The following SLC24A4 variants were observed in gnomAD, a reference collection of about 807,000 sequenced individuals.
The protein encoded by SLC24A4 is sodium/potassium/calcium exchanger 4.
Under a neutral mutation model 79.0 loss-of-function variants are expected in SLC24A4, and 53 were observed. The ratio of observed to expected loss-of-function variants is 0.67; its 90% CI spans 0.54 to 0.84. The LOEUF is 0.84. Ranked by LOEUF, SLC24A4 falls within the 40% of genes least tolerant of loss-of-function variation. SLC24A4 has a pLI of 0.00. For synonymous variants in SLC24A4, 323 were observed against 323.8 expected (o/e 1.00, Z 0.03); for missense variants, 731 against 822.0 (o/e 0.89, Z 1.35).
chr14:92,440,459 G>T (rs1388152896), intron 4 of SLC24A4, among the ~76,000 whole-genome samples: 1 of 152,114 alleles, frequency 6.6e-6, no homozygotes, highest in African/African-American at 2.4e-5. Flanking sequence ...CCTTCCAGAG[G>T]GGGCCCTTGG....
chr14:92,468,710 A>C (rs916052557), intron 12 of SLC24A4, among the ~76,000 whole-genome samples: 3 of 152,234 alleles, frequency 2.0e-5, no homozygotes, highest in Admixed American at 6.5e-5. Flanking sequence ...CACATTGAAA[A>C]GAAGTCTGAT....
At chr14:92,349,146 A>G (rs770495477) in intron 2 of SLC24A4, among the ~76,000 whole-genome samples, 1 of 150,964 alleles carries the variant, frequency 6.6e-6, no homozygotes, top group Non-Finnish European at 1.5e-5. Context: ...TGTCTTCAAT[A>G]ATAAAAGTGA....
At chr14:92,347,170 C>T (rs1456530159) in intron 2 of SLC24A4, among the ~76,000 whole-genome samples, 1 of 152,210 alleles carries the variant, frequency 6.6e-6, no homozygotes, top group Non-Finnish European at 1.5e-5. Flanking sequence ...CCTATTTCTT[C>T]CTCCTGGGGA....
Position 92,447,427 on chromosome 14 carries a change from A to G in SLC24A4, c.737+3A>G. 6.2e-7 allele frequency: 1 copy of G among 1,614,004 alleles called. No homozygotes were observed. ...GTGTTTTATATTCTGATCATGAAGT[A>G]AGTGCCCTTTCTCCTCCCCGGGGCT... On this transcript the variant is annotated splice_donor_region_variant and intron_variant, in intron 9 of 16. Transcript: ENST00000532405.
At chr14:92,326,503 T>C (rs1885147005) in intron 2 of SLC24A4, among the ~76,000 whole-genome samples, 1 of 152,166 alleles carries the variant, frequency 6.6e-6, no homozygotes, top group Non-Finnish European at 1.5e-5. Flanking sequence ...CTGATTCTGC[T>C]TGCCCCGTTT....
rs549415430 is a variant in SLC24A4, at chr14:92,465,296, C to T, written c.1255+8688C>T. ...TGGAGGCCCAGAGAGATTAATGGCC[C>T]CCCTAGTGCCACACCATCAAGAGTA... On this transcript the variant is annotated intron_variant, in intron 12 of 16. Transcript: ENST00000532405. Among the ~76,000 whole-genome samples, 16 of 152,274 alleles carry T rather than the reference C, an allele frequency of 1.1e-4. No individual in the cohort carries two copies. The South Asian group carries it at 3.3e-3, about 32-fold the overall frequency.
chr14:92,359,143 G>A (rs1055710185), intron 2 of SLC24A4, among the ~76,000 whole-genome samples: 1 of 152,164 alleles, frequency 6.6e-6, no homozygotes, highest in Non-Finnish European at 1.5e-5. Flanking sequence ...AGCCCAGGGG[G>A]CTTGTCTGGT....
At chr14:92,351,850 T>G (rs1024014049) in intron 2 of SLC24A4, among the ~76,000 whole-genome samples, 5 of 143,580 alleles carry the variant, frequency 3.5e-5, no homozygotes, top group African/African-American at 1.3e-4. Flanking sequence ...GGTGACAGGG[T>G]GAGATCTTGT....
intron 12 of SLC24A4, among the ~76,000 whole-genome samples, chr14:92,475,029 G>A (rs568205392): frequency 2.7e-5 from 4 of 150,916 alleles, no homozygotes; most frequent in South Asian, 2.1e-4. Context: ...ATTGATATAC[G>A]GTCCTGGTAG....
At chr14:92,372,282 A>G (rs1455875014) in intron 2 of SLC24A4, among the ~76,000 whole-genome samples, 1 of 152,120 alleles carries the variant, frequency 6.6e-6, no homozygotes, top group Non-Finnish European at 1.5e-5. Context: ...AGACAGACTC[A>G]TCTTCCACGC....
chr14:92,326,509 C>T (rs2014393), intron 2 of SLC24A4, among the ~76,000 whole-genome samples: 59,094 of 151,900 alleles, frequency 0.39, 11,732 homozygotes, highest in Middle Eastern at 0.51. Flanking sequence ...CTGCTTGCCC[C>T]GTTTTGATGT....
intron 2 of SLC24A4, among the ~76,000 whole-genome samples, chr14:92,327,430 C>T (rs1472490340): frequency 1.3e-5 from 2 of 152,202 alleles, no homozygotes; most frequent in Non-Finnish European, 2.9e-5. Flanking sequence ...TGATATATGG[C>T]AAGGGTCATT....
At chr14:92,400,177 A>G (rs879318566) in intron 2 of SLC24A4, among the ~76,000 whole-genome samples, 3 of 152,204 alleles carry the variant, frequency 2.0e-5, no homozygotes, top group African/African-American at 4.8e-5. Flanking sequence ...GTGGTGGCTC[A>G]CGCCTGTAAT....
intron 2 of SLC24A4, among the ~76,000 whole-genome samples, chr14:92,331,738 C>A (rs1335375163): frequency 1.3e-5 from 2 of 152,182 alleles, no homozygotes; most frequent in African/African-American, 4.8e-5. Context: ...CTTGAACAAA[C>A]CTGCATGGGT....
chr14:92,443,430 C>A lies in SLC24A4; in HGVS notation c.613C>A (p.Arg205=), dbSNP rs141131742. 16 of 1,614,000 alleles carry A rather than the reference C, an allele frequency of 9.9e-6. No homozygotes were observed. Among genetic ancestry groups the A allele is most frequent in the Non-Finnish European group, 1.4e-5 (16 of 1,180,020 alleles). The change falls in exon 7 of 17, where the codon CGA becomes AGA. Residue 205 remains arginine, a synonymous_variant. Coordinates refer to ENST00000532405, the MANE Select transcript of SLC24A4 (RefSeq NM_153646.4). ...CCGTCTGACGTGGTGGGCCGTGTGC[C>A]GAGACTCCGTGTACTACACCATCTC... ...VVRLTWWAVC[R]DSVYYTISVI...
In SLC24A4 at chr14:92,499,870, C is replaced by A. The variant is rs1896087448; in HGVS notation, c.*6242C>A. On this transcript the variant is annotated 3_prime_UTR_variant, in exon 17 of 17. Transcript: ENST00000532405. ...TTTTTTTTTTTTTGAGATGGAGCCTCACTCTGTTGCCCAGGCTGGAGTGCA... is the reference window on the plus strand; with the variant it reads ...TTTTTTTTTTTTTGAGATGGAGCCTAACTCTGTTGCCCAGGCTGGAGTGCA... The A allele has an allele frequency of 6.9e-6, 1 of 144,788 alleles. No homozygotes were observed. Among genetic ancestry groups the A allele is most frequent in the Non-Finnish European group, 1.5e-5 (1 of 66,726 alleles). The allele number at this position is 144,788 out of a possible 1,614,324, so 9.0% of individuals were successfully genotyped here. A position where few individuals can be genotyped will look rare whatever the true frequency, so the allele number is the denominator to read the frequency against.
chr14:92,458,462 G>C (rs1400370982), intron 12 of SLC24A4, among the ~76,000 whole-genome samples: 1 of 152,218 alleles, frequency 6.6e-6, no homozygotes, highest in Non-Finnish European at 1.5e-5. Flanking sequence ...CTGGCTGGTG[G>C]GGAGAGAGGT....
intron 2 of SLC24A4, among the ~76,000 whole-genome samples, chr14:92,385,331 C>A (rs960057259): frequency 1.3e-5 from 2 of 151,990 alleles, no homozygotes; most frequent in Admixed American, 6.5e-5. Context: ...ATGGTGAAAC[C>A]CTGTCCCTAC....
intron 14 of SLC24A4, among the ~76,000 whole-genome samples, chr14:92,487,296 G>A (rs1797976315): frequency 6.6e-6 from 1 of 152,214 alleles, no homozygotes. Context: ...TGGAACAAAA[G>A]AGCTGTAACA....
Sources: gnomAD v4.1 joint callset for allele counts (sites outside exome capture counted in the v4.1 genomes callset) on GRCh38, gnomAD v4.1.1 for gene constraint, MANE v1.5 for transcripts, NCBI Gene and HGNC (gene_info 2026-07-23, HGNC 2026-07-21) for gene names.